UST: variants seen among roughly 807,000 people sequenced by gnomAD.
UST encodes the protein uronyl 2-sulfotransferase, also known as chondroitin sulfate 2-O-sulfotransferase.
In UST, 21 loss-of-function variants were observed where a neutral mutation model predicts 45.6. The observed-to-expected ratio is 0.46, with a 90% CI of 0.33 to 0.66. The LOEUF (loss-of-function observed/expected upper bound fraction) is 0.66. Among genes scored for constraint, UST ranks in the 30% least tolerant of loss-of-function variants. UST has a pLI of 0.02. For missense variants in UST, 463 were observed against 512.4 expected, an observed-to-expected ratio of 0.90 and a Z score of 0.93; for synonymous variants, 215 against 200.6, an observed-to-expected ratio of 1.07 and a Z score of -0.61.
At chr6:149,038,187 G>A (rs192899279) in intron 7 of UST, among the ~76,000 whole-genome samples, 211 of 151,998 alleles carry the variant, frequency 1.4e-3, no homozygotes, top group East Asian at 4.3e-3. Context: ...ATCTCTGTTA[G>A]GTAGTGTTGT....
At chr6:149,004,736 A>G (rs552412093) in intron 5 of UST, among the ~76,000 whole-genome samples, 1 of 152,242 alleles carries the variant, frequency 6.6e-6, no homozygotes, top group East Asian at 1.9e-4. Context: ...TTCAGTTAAG[A>G]AATGGAGAAC....
In UST at chr6:149,012,520, G is replaced by A. The variant is rs191486256; in HGVS notation, c.682-6619G>A. On this transcript the variant is annotated intron_variant, in intron 5 of 7. Coordinates refer to ENST00000367463, the MANE Select transcript of UST (RefSeq NM_005715.3). ...TCTAACACAGCCAGCGTAAGAAACC[G>A]TCCTTTTCCATAATATCCATATTTT... Among the ~76,000 whole-genome samples the A allele has an allele frequency of 3.1e-4, 47 of 152,218 alleles. 2 individuals carry two copies. The East Asian group carries it at 5.4e-3, about 17-fold the overall frequency.
intron 1 of UST, among the ~76,000 whole-genome samples, chr6:148,831,069 G>GT (rs1562270921): frequency 6.7e-6 from 1 of 149,912 alleles, no homozygotes; most frequent in Non-Finnish European, 1.5e-5. Context: ...GAAAGAAAAG[G>GT]GGGGGGTGGG....
intron 1 of UST, among the ~76,000 whole-genome samples, chr6:148,850,353 A>G (rs1778080236): frequency 6.6e-6 from 1 of 152,162 alleles, no homozygotes; most frequent in South Asian, 2.1e-4. Flanking sequence ...TTTTCTTTGC[A>G]TATGTAGGCC....
intron 1 of UST, among the ~76,000 whole-genome samples, chr6:148,882,223 C>T (rs1312546925): frequency 6.6e-6 from 1 of 152,072 alleles, no homozygotes; most frequent in Non-Finnish European, 1.5e-5. Context: ...CAGTGGCTCA[C>T]ACCTGCAATC....
chr6:149,013,319 G>A (rs1278450155), intron 5 of UST, among the ~76,000 whole-genome samples: 4 of 152,150 alleles, frequency 2.6e-5, no homozygotes, highest in Non-Finnish European at 2.9e-5. Flanking sequence ...GGAGGTCAAG[G>A]AAGGTGGATC....
intron 1 of UST, among the ~76,000 whole-genome samples, chr6:148,843,784 G>A (rs537997541): frequency 1.3e-5 from 2 of 152,310 alleles, no homozygotes; most frequent in South Asian, 4.1e-4. Flanking sequence ...TTTCCATTTA[G>A]CTGAAGTTAA....
chr6:148,957,400 T>C (rs1418453710), intron 4 of UST, among the ~76,000 whole-genome samples: 3 of 152,228 alleles, frequency 2.0e-5, no homozygotes, highest in Non-Finnish European at 4.4e-5. Context: ...CAATATGCAA[T>C]TGACAGAGAA....
At chr6:148,995,445 G>A (rs1270779988) in intron 5 of UST, among the ~76,000 whole-genome samples, 2 of 152,080 alleles carry the variant, frequency 1.3e-5, no homozygotes, top group African/African-American at 4.8e-5. Context: ...TGATGGCTAA[G>A]CCAGGGTTTT....
chr6:148,999,028 C>T (rs1350909006), intron 5 of UST, among the ~76,000 whole-genome samples: 3 of 152,158 alleles, frequency 2.0e-5, no homozygotes, highest in East Asian at 1.9e-4. Context: ...GAGTGGAGCC[C>T]GCATCTGGAA....
chr6:148,860,773 G>T lies in UST; in HGVS notation c.248-26213G>T, dbSNP rs138919110. ...GATAATCACATGGTTTTTGTCATTGGTTCTGTTTATATGCTGGATTACGTT... is the reference window on the plus strand; with the variant it reads ...GATAATCACATGGTTTTTGTCATTGTTTCTGTTTATATGCTGGATTACGTT... On this transcript the variant is annotated intron_variant, in intron 1 of 7. Transcript: ENST00000367463. Among the ~76,000 whole-genome samples, 1,000 of 152,268 alleles carry T rather than the reference G, an allele frequency of 6.6e-3. 4 individuals are homozygous for T. Among genetic ancestry groups the T allele is most frequent in the Non-Finnish European group, 9.6e-3 (656 of 68,032 alleles).
In UST at chr6:148,790,545, A is replaced by T. The variant is rs747113296; in HGVS notation, c.247+42868A>T. Among the ~76,000 whole-genome samples the T allele has an allele frequency of 1.3e-5, 2 of 152,096 alleles. No individual in the cohort carries two copies. Among genetic ancestry groups the T allele is most frequent in the Non-Finnish European group, 2.9e-5 (2 of 68,008 alleles). On this transcript the variant is annotated intron_variant, in intron 1 of 7. Transcript: ENST00000367463. The surrounding 1 kb of genome is among the most constrained non-coding windows in gnomAD (Gnocchi z 4.2). ...TGTGCCTGGTGAATGTCAGCCCTGC[A>T]CTGTTAAGGTGCTGTAGCGGATGCT...
In UST at chr6:148,807,485, G is replaced by A. The variant is rs142655065; in HGVS notation, c.247+59808G>A. 6.2e-3 allele frequency among the ~76,000 whole-genome samples: 951 copies of A among 152,298 alleles called. 2 individuals carry two copies. Among genetic ancestry groups the A allele is most frequent in the Middle Eastern group, 0.014 (4 of 294 alleles). On this transcript the variant is annotated intron_variant, in intron 1 of 7. Coordinates refer to ENST00000367463, the MANE Select transcript of UST (RefSeq NM_005715.3). Reference sequence around the variant, plus strand: ...TCGAGGGATAATAATGAAGTTATGAGAATGGAGTGTATATTTGCCTAGTAT... The same window carrying A: ...TCGAGGGATAATAATGAAGTTATGAAAATGGAGTGTATATTTGCCTAGTAT...
intron 1 of UST, among the ~76,000 whole-genome samples, chr6:148,803,369 T>C (rs889931988): frequency 3.3e-5 from 5 of 152,226 alleles, no homozygotes; most frequent in African/African-American, 1.2e-4. Context: ...CTCCTCCATG[T>C]TGGCCAGAGT....
chr6:148,938,186 G>A (rs997298578), intron 2 of UST, among the ~76,000 whole-genome samples: 69 of 152,296 alleles, frequency 4.5e-4, no homozygotes, highest in African/African-American at 1.5e-3. Flanking sequence ...TAGTGAAATT[G>A]TTGTGTTAAT....
intron 1 of UST, among the ~76,000 whole-genome samples, chr6:148,863,260 C>CT (rs1405025310): frequency 6.6e-6 from 1 of 152,188 alleles, no homozygotes; most frequent in Non-Finnish European, 1.5e-5. Context: ...TCTTCAATCA[C>CT]TTATACCCTT....
In UST at chr6:148,815,276, G is replaced by A. The variant is rs139091053; in HGVS notation, c.247+67599G>A. On this transcript the variant is annotated intron_variant, in intron 1 of 7. Transcript: ENST00000367463. ...AGATAAGAAGCTAATAGTATTAGTT[G>A]CCTCTAGGGAGGAAACTGAGGAGTT... Among the ~76,000 whole-genome samples, 622 of 152,350 alleles carry A rather than the reference G, an allele frequency of 4.1e-3. 1 individual carries two copies. Among genetic ancestry groups the A allele is most frequent in the Middle Eastern group, 0.014 (4 of 294 alleles).
intron 7 of UST, among the ~76,000 whole-genome samples, chr6:149,063,072 G>C (rs941462560): frequency 6.6e-6 from 1 of 152,314 alleles, no homozygotes; most frequent in Middle Eastern, 3.4e-3. Context: ...GGGGCCAGCT[G>C]TTAGAAGAAT....
At chr6:149,038,179 C>G (rs1199745436) in intron 7 of UST, among the ~76,000 whole-genome samples, 1 of 151,914 alleles carries the variant, frequency 6.6e-6, no homozygotes, top group Non-Finnish European at 1.5e-5. Flanking sequence ...TTGTTCACAT[C>G]TCTGTTAGGT....
Sources: gnomAD v4.1 joint callset for allele counts (sites outside exome capture counted in the v4.1 genomes callset) on GRCh38, gnomAD v4.1.1 for gene constraint, Gnocchi (gnomAD v3.1) non-coding constraint, MANE v1.5 for transcripts, NCBI Gene and HGNC (gene_info 2026-07-23, HGNC 2026-07-21) for gene names.